Variants in STAU2 observed in about 807,000 individuals in gnomAD.
The protein encoded by STAU2 is staufen double-stranded RNA binding protein 2.
STAU2 carries 20 observed loss-of-function variants against 65.9 expected under a neutral mutation model. The observed-to-expected ratio is 0.30, with a 90% CI of 0.21 to 0.44. The LOEUF (loss-of-function observed/expected upper bound fraction) is 0.44. STAU2 is among the 20% of genes least tolerant of loss of function. The probability of loss-of-function intolerance (pLI) is 1.00; values close to 1 mark genes in which losing one functional copy is unlikely to be tolerated. For missense variants in STAU2, 558 were observed against 683.9 expected, an observed-to-expected ratio of 0.82 and a Z score of 2.05; for synonymous variants, 232 against 233.9, an observed-to-expected ratio of 0.99 and a Z score of 0.07.
intron 2 of STAU2, among the ~76,000 whole-genome samples, chr8:73,739,489 A>C (rs1282121768): frequency 6.6e-6 from 1 of 152,180 alleles, no homozygotes; most frequent in African/African-American, 2.4e-5. Flanking sequence ...TTTCCCCTGG[A>C]AGCAAACGTT....
At chr8:73,692,779 T>A (rs926896249) in intron 4 of STAU2, among the ~76,000 whole-genome samples, 1 of 152,158 alleles carries the variant, frequency 6.6e-6, no homozygotes. Context: ...CAGAATTTAG[T>A]TAAATAGTAG....
intron 12 of STAU2, among the ~76,000 whole-genome samples, chr8:73,573,483 T>C (rs1050052365): frequency 2.0e-5 from 3 of 151,352 alleles, no homozygotes; most frequent in South Asian, 2.1e-4. Flanking sequence ...GGAGGCATCA[T>C]GCTACCTGAC....
intron 13 of STAU2, among the ~76,000 whole-genome samples, chr8:73,473,791 T>G (rs1218571935): frequency 6.6e-6 from 1 of 152,070 alleles, no homozygotes; most frequent in Non-Finnish European, 1.5e-5. Flanking sequence ...GATCTGAAGG[T>G]GCTTTGAGTA....
chr8:73,574,371 A>G (rs1377232821), intron 12 of STAU2, among the ~76,000 whole-genome samples: 4 of 152,244 alleles, frequency 2.6e-5, no homozygotes, highest in African/African-American at 9.6e-5. Context: ...GTCTAGAACT[A>G]GAAATACCAT....
At chr8:73,598,015 T>C (rs1244869329) in intron 10 of STAU2, among the ~76,000 whole-genome samples, 4 of 152,074 alleles carry the variant, frequency 2.6e-5, no homozygotes, top group Admixed American at 2.6e-4. Context: ...AAGAACAGTA[T>C]AAGAAAATTT....
chr8:73,731,946 G>C (rs910567577), intron 3 of STAU2, among the ~76,000 whole-genome samples: 10 of 151,976 alleles, frequency 6.6e-5, no homozygotes, highest in African/African-American at 2.2e-4. Flanking sequence ...CTCAAAAAAA[G>C]CTAAAAAAAA....
chr8:73,604,662 A>G (rs1007631652), intron 9 of STAU2, among the ~76,000 whole-genome samples: 13 of 152,230 alleles, frequency 8.5e-5, no homozygotes, highest in Admixed American at 8.5e-4. Flanking sequence ...CATAAGGAAA[A>G]ACTCAATATA....
intron 13 of STAU2, among the ~76,000 whole-genome samples, chr8:73,436,609 CAG>C (rs1301600440): frequency 1.1e-4 from 6 of 55,300 alleles, no homozygotes; most frequent in Non-Finnish European, 2.2e-4. Context: ...TATTTTGAGA[CAG>C]AGTCTTACTC....
intron 5 of STAU2, among the ~76,000 whole-genome samples, chr8:73,678,370 T>A (rs1285232882): frequency 7.7e-6 from 1 of 129,808 alleles, no homozygotes; most frequent in Non-Finnish European, 1.7e-5. Context: ...ATCTATAAAA[T>A]TTTTTTTTTA....
chr8:73,743,221 GA>G (rs74275001), intron 1 of STAU2, among the ~76,000 whole-genome samples: 85 of 139,702 alleles, frequency 6.1e-4, no homozygotes, highest in Admixed American at 1.4e-3. Context: ...ACACAGGCCA[GA>G]AAAAAAAAAA....
At chr8:73,576,659 T>C (rs1019366708) in intron 12 of STAU2, among the ~76,000 whole-genome samples, 3 of 152,170 alleles carry the variant, frequency 2.0e-5, no homozygotes, top group Admixed American at 6.5e-5. Context: ...GTTATATAAG[T>C]GTTAAATACG....
intron 6 of STAU2, among the ~76,000 whole-genome samples, chr8:73,667,975 G>T (rs1817356547): frequency 1.3e-5 from 2 of 152,136 alleles, no homozygotes; most frequent in African/African-American, 4.8e-5. Context: ...TAAAATAATT[G>T]TACCCTGCGG....
intron 5 of STAU2, among the ~76,000 whole-genome samples, chr8:73,679,027 A>C (rs1302070454): frequency 6.6e-6 from 1 of 152,192 alleles, no homozygotes; most frequent in Non-Finnish European, 1.5e-5. Flanking sequence ...CAGGCACAAA[A>C]TCTTTCTTAA....
At chr8:73,551,974 G>T (rs1366924951) in intron 13 of STAU2, 38 bp downstream of exon 13, 3 of 1,521,592 alleles carry the variant, frequency 2.0e-6, no homozygotes, top group African/African-American at 1.4e-5. Flanking sequence ...TGAGGCTAAT[G>T]AATTGTTTTG....
Position 73,427,062 on chromosome 8 carries a change from G to T in STAU2, c.1531-4360C>A, listed in dbSNP as rs925592355. On this transcript the variant is annotated intron_variant, in intron 13 of 14. Coordinates refer to ENST00000524300, the MANE Select transcript of STAU2 (RefSeq NM_001164380.2). ...TCCTGCCTCAGCCTCCCGAGTAGCT[G>T]GGATTACAGGCATGCACCACCACGC... Among the ~76,000 whole-genome samples, 84 of 151,548 alleles carry T rather than the reference G, an allele frequency of 5.5e-4. 1 individual carries two copies. Among genetic ancestry groups the T allele is most frequent in the African/African-American group, 2.0e-3 (82 of 41,196 alleles).
At chr8:73,456,998 T>C (rs140739264) in intron 13 of STAU2, among the ~76,000 whole-genome samples, 1 of 152,352 alleles carries the variant, frequency 6.6e-6, no homozygotes, top group Non-Finnish European at 1.5e-5. Context: ...AAACATTCTT[T>C]TAGCCCTGAC....
At chr8:73,445,428 AAAG>A (rs1818415335) in intron 13 of STAU2, among the ~76,000 whole-genome samples, 1 of 152,254 alleles carries the variant, frequency 6.6e-6, no homozygotes, top group African/African-American at 2.4e-5. Flanking sequence ...CAAAACAAAA[AAAG>A]TGCAAAATTA....
chr8:73,469,920 A>G (rs1000392514), intron 13 of STAU2, among the ~76,000 whole-genome samples: 5 of 152,126 alleles, frequency 3.3e-5, no homozygotes, highest in Non-Finnish European at 7.4e-5. Context: ...TTGTTTTTAT[A>G]TAAGGGTAAA....
At chr8:73,454,711 A>G (rs377423608) in intron 13 of STAU2, among the ~76,000 whole-genome samples, 186 of 152,358 alleles carry the variant, frequency 1.2e-3, no homozygotes, top group African/African-American at 4.2e-3. Flanking sequence ...TTATTTTTAA[A>G]GAGAGAAGAA....
Sources: allele counts gnomAD v4.1 joint callset (sites outside exome capture counted in the v4.1 genomes callset), GRCh38; gene constraint gnomAD v4.1.1; transcripts MANE v1.5; gene names NCBI Gene and HGNC (gene_info 2026-07-23, HGNC 2026-07-21).